The following ANKRD6 variants were observed in gnomAD, a reference collection of about 807,000 sequenced individuals.
The protein encoded by ANKRD6 is ankyrin repeat domain-containing protein 6.
In ANKRD6, 56 loss-of-function variants were observed where a neutral mutation model predicts 82.3. That is an observed-to-expected ratio of 0.68 (90% CI 0.55 to 0.85). The LOEUF (loss-of-function observed/expected upper bound fraction) is 0.85, where lower values mean the gene tolerates loss of function less well. ANKRD6 is among the 40% of genes least tolerant of loss of function. The pLI is 0.00. For synonymous variants in ANKRD6, 347 were observed against 352.1 expected, an observed-to-expected ratio of 0.99 and a Z score of 0.16; for missense variants, 852 against 907.6, an observed-to-expected ratio of 0.94 and a Z score of 0.79.
At chr6:89,519,430 G>A (rs1436244243) in intron 1 of ANKRD6, among the ~76,000 whole-genome samples, 2 of 152,220 alleles carry the variant, frequency 1.3e-5, no homozygotes, top group African/African-American at 4.8e-5. Flanking sequence ...GTGGATTGAA[G>A]CATTCTATAG....
At chr6:89,541,871 A>C (rs1359243928) in intron 1 of ANKRD6, among the ~76,000 whole-genome samples, 1 of 151,564 alleles carries the variant, frequency 6.6e-6, no homozygotes, top group Non-Finnish European at 1.5e-5. Context: ...CCTAGTTATG[A>C]CTGCAGAATA....
In ANKRD6 at chr6:89,451,553, A is replaced by G. The variant is rs56222042; in HGVS notation, c.-144+18178A>G. On this transcript the variant is annotated intron_variant, in intron 1 of 15. Coordinates refer to ENST00000339746, the MANE Select transcript of ANKRD6 (RefSeq NM_001242809.2). ...ATTACTAAATCCTGGAGAAAAGCCC[A>G]TTTTGAAGAAAACAGAGCTTACAGC... Among the ~76,000 whole-genome samples the G allele has an allele frequency of 5.8e-3, 877 of 152,292 alleles. 8 individuals are homozygous for G. The highest frequency in any genetic ancestry group is 9.5e-3 in the Non-Finnish European group (648 of 68,008).
In ANKRD6 at chr6:89,472,488, T is replaced by G. The variant is rs568531105; in HGVS notation, c.-144+39113T>G. Among the ~76,000 whole-genome samples the G allele has an allele frequency of 4.2e-4, 64 of 152,362 alleles. 2 individuals carry two copies. The highest frequency in any genetic ancestry group is 6.8e-3 in the Middle Eastern group (2 of 294). On this transcript the variant is annotated intron_variant, in intron 1 of 15. Transcript: ENST00000339746. ...TTTGCTCCCTTGTCTAATTTTGTTT[T>G]ACTTTAACCTCCTTGAAAGATCTGA...
At chr6:89,455,151 G>GTT (rs75865475) in intron 1 of ANKRD6, among the ~76,000 whole-genome samples, 19 of 139,894 alleles carry the variant, frequency 1.4e-4, no homozygotes, top group Non-Finnish European at 2.2e-4. Context: ...GTGTGTGTGT[G>GTT]TTTTTTTTTT....
intron 1 of ANKRD6, among the ~76,000 whole-genome samples, chr6:89,524,394 T>C (rs1405021316): frequency 6.6e-6 from 1 of 152,170 alleles, no homozygotes; most frequent in African/African-American, 2.4e-5. Flanking sequence ...CATACGATAT[T>C]TGCTTTTCCA....
chr6:89,483,910 C>G (rs1777075124), intron 1 of ANKRD6, among the ~76,000 whole-genome samples: 1 of 152,122 alleles, frequency 6.6e-6, no homozygotes, highest in Non-Finnish European at 1.5e-5. Flanking sequence ...CTCTCTGTCT[C>G]TCTCTCTCTC....
chr6:89,531,026 T>C lies in ANKRD6; in HGVS notation c.-143-35808T>C, dbSNP rs560732900. ...TAATCATGAGATACCGAGGCAGGCA[T>C]TATTATCCCCAGTGTGCCTTAGGAG... is the stretch of plus-strand genomic sequence containing the variant. On this transcript the variant is annotated intron_variant, in intron 1 of 15. Transcript: ENST00000339746. 3.3e-5 allele frequency among the ~76,000 whole-genome samples: 5 copies of C among 152,348 alleles called. No individual in the cohort carries two copies. In the South Asian group the frequency reaches 1.0e-3, roughly 32 times the overall value.
At chr6:89,454,443 G>T (rs953911946) in intron 1 of ANKRD6, among the ~76,000 whole-genome samples, 6 of 152,182 alleles carry the variant, frequency 3.9e-5, no homozygotes, top group African/African-American at 7.2e-5. Context: ...ACAGATACTT[G>T]GTTTGCTCTC....
chr6:89,503,491 G>C (rs1305550360), intron 1 of ANKRD6, among the ~76,000 whole-genome samples: 1 of 152,100 alleles, frequency 6.6e-6, no homozygotes, highest in African/African-American at 2.4e-5. Context: ...CTTGAGTTTG[G>C]CCCCTTGTAC....
At chr6:89,442,580 C>T (rs993511968) in intron 1 of ANKRD6, among the ~76,000 whole-genome samples, 2 of 147,574 alleles carry the variant, frequency 1.4e-5, no homozygotes, top group African/African-American at 5.0e-5. Context: ...CCAAGACTGG[C>T]ACCACTGCAC....
chr6:89,586,691 G>A (rs2006637), intron 2 of ANKRD6, among the ~76,000 whole-genome samples: 148,094 of 152,044 alleles, frequency 0.97, 72,236 homozygotes, highest in East Asian at 1. Context: ...TCTTGGGGGA[G>A]AAAAAAAGAA....
In ANKRD6 at chr6:89,631,342, G is replaced by A. The variant is rs61445869; in HGVS notation, c.*338G>A. The A allele has an allele frequency of 0.01, 1,926 of 187,122 alleles. 44 individuals carry two copies. The highest frequency in any genetic ancestry group is 0.043 in the African/African-American group (1,834 of 42,564). The allele number at this position is 187,122 out of a possible 1,614,324, so 11.6% of individuals were successfully genotyped here. A position where few individuals can be genotyped will look rare whatever the true frequency, so the allele number is the denominator to read the frequency against. On this transcript the variant is annotated 3_prime_UTR_variant, in exon 16 of 16. Transcript: ENST00000339746. ...AAGCCTAGACTCTAAAATTCAAGAT[G>A]TGTGAAATAATATAAGTCAAAAGCA...
intron 1 of ANKRD6, among the ~76,000 whole-genome samples, chr6:89,444,232 G>A (rs1048726401): frequency 2.0e-5 from 3 of 152,156 alleles, no homozygotes; most frequent in African/African-American, 4.8e-5. Flanking sequence ...TCTATTGAAC[G>A]GCTTGCTTAC....
chr6:89,605,075 A>C (rs1011359367), intron 4 of ANKRD6, among the ~76,000 whole-genome samples: 2 of 151,288 alleles, frequency 1.3e-5, no homozygotes, highest in African/African-American at 4.9e-5. Flanking sequence ...TATGTTCATT[A>C]AATGACTTCT....
At chr6:89,503,787 G>C (rs1474883009) in intron 1 of ANKRD6, among the ~76,000 whole-genome samples, 1 of 152,198 alleles carries the variant, frequency 6.6e-6, no homozygotes, top group Non-Finnish European at 1.5e-5. Context: ...GGCCCTAAGG[G>C]AGAAGCCTGT....
intron 1 of ANKRD6, among the ~76,000 whole-genome samples, chr6:89,523,671 T>A (rs1047366085): frequency 5.3e-5 from 8 of 152,180 alleles, no homozygotes; most frequent in African/African-American, 1.9e-4. Flanking sequence ...TTTGCTATGG[T>A]AGAATCTGTG....
At chr6:89,527,238 A>G (rs922277885) in intron 1 of ANKRD6, among the ~76,000 whole-genome samples, 1 of 152,172 alleles carries the variant, frequency 6.6e-6, no homozygotes, top group Non-Finnish European at 1.5e-5. Context: ...TTTATATTAT[A>G]CTGTAGTCCA....
chr6:89,605,668 C>A (rs1373811667), intron 4 of ANKRD6, among the ~76,000 whole-genome samples: 3 of 152,150 alleles, frequency 2.0e-5, no homozygotes, highest in African/African-American at 7.2e-5. Flanking sequence ...CCTGATGATG[C>A]TTTCTGTTAA....
intron 10 of ANKRD6, among the ~76,000 whole-genome samples, chr6:89,622,379 T>C (rs1056751468): frequency 1.3e-5 from 2 of 152,172 alleles, no homozygotes; most frequent in South Asian, 4.1e-4. Flanking sequence ...AAATGTGGTG[T>C]CCAGTGTGTC....
Sources: allele counts gnomAD v4.1 joint callset (sites outside exome capture counted in the v4.1 genomes callset), GRCh38; gene constraint gnomAD v4.1.1; transcripts MANE v1.5; gene names NCBI Gene and HGNC (gene_info 2026-07-23, HGNC 2026-07-21).